The following EAF2 variants were observed in gnomAD, a reference collection of about 807,000 sequenced individuals.
EAF2 encodes the protein ELL-associated factor 2.
A neutral mutation model predicts 29.4 loss-of-function variants in EAF2; 29 were observed. The observed-to-expected ratio is 0.99, with a 90% CI of 0.73 to 1.35. The LOEUF (loss-of-function observed/expected upper bound fraction) is 1.35, where lower values mean the gene tolerates loss of function less well. EAF2 is among the 40% of genes most tolerant of loss of function. The pLI, the probability that EAF2 is intolerant of heterozygous loss-of-function variation, is 0.00. For missense variants in EAF2, 292 were observed against 312.0 expected, an observed-to-expected ratio of 0.94 and a Z score of 0.48; for synonymous variants, 103 against 102.5, an observed-to-expected ratio of 1.00 and a Z score of -0.03.
chr3:121,839,849 A>G (rs186167806), intron 1 of EAF2, among the ~76,000 whole-genome samples: 3 of 152,328 alleles, frequency 2.0e-5, no homozygotes, highest in East Asian at 1.9e-4. Flanking sequence ...AAATTAAAGT[A>G]TGAGTACTAT....
intron 5 of EAF2, among the ~76,000 whole-genome samples, chr3:121,879,926 T>C (rs1247203061): frequency 6.6e-6 from 1 of 152,138 alleles, no homozygotes; most frequent in African/African-American, 2.4e-5. Context: ...AAGAATGTCT[T>C]TGGTATTTTG....
At chr3:121,838,471 T>G (rs1708345370) in intron 1 of EAF2, among the ~76,000 whole-genome samples, 1 of 152,184 alleles carries the variant, frequency 6.6e-6, no homozygotes, top group Admixed American at 6.5e-5. Flanking sequence ...TTTAAAAAAG[T>G]GTGTGAGGAC....
At chr3:121,855,299 T>G (rs1708700465) in intron 3 of EAF2, among the ~76,000 whole-genome samples, 1 of 152,166 alleles carries the variant, frequency 6.6e-6, no homozygotes, top group Non-Finnish European at 1.5e-5. Flanking sequence ...AAATCCTTTT[T>G]GGAAATAGGT....
At chr3:121,873,397 G>A (rs1709049893) in intron 5 of EAF2, among the ~76,000 whole-genome samples, 1 of 151,750 alleles carries the variant, frequency 6.6e-6, no homozygotes, top group Non-Finnish European at 1.5e-5. Flanking sequence ...CCTTCATCAA[G>A]TCCTATTTGT....
intron 5 of EAF2, among the ~76,000 whole-genome samples, chr3:121,878,401 G>T (rs994559192): frequency 6.6e-6 from 1 of 152,052 alleles, no homozygotes; most frequent in Admixed American, 6.6e-5. Flanking sequence ...TTTTTGGGGG[G>T]TTAAGAACAT....
intron 4 of EAF2, among the ~76,000 whole-genome samples, chr3:121,860,141 G>T (rs896437662): frequency 6.6e-6 from 1 of 151,890 alleles, no homozygotes; most frequent in African/African-American, 2.4e-5. Flanking sequence ...CTCTTTCTTT[G>T]TTGTCTCTGC....
At chr3:121,856,956 A>G (rs1708729275) in intron 3 of EAF2, 55 bp from the exon 4 acceptor site, 1 of 1,513,070 alleles carries the variant, frequency 6.6e-7, no homozygotes, top group Non-Finnish European at 8.9e-7. Flanking sequence ...TGTAAGTTAA[A>G]TTTTTGTTAC....
At chr3:121,848,379 T>C (rs1182858926) in intron 2 of EAF2, among the ~76,000 whole-genome samples, 2 of 152,214 alleles carry the variant, frequency 1.3e-5, no homozygotes, top group Non-Finnish European at 2.9e-5. Context: ...GAAATATACT[T>C]TGCTAATATT....
In EAF2 at chr3:121,840,946, G is replaced by T. The variant is rs1035343634; in HGVS notation, c.107-3507G>T. Reference sequence around the variant, plus strand: ...ACGGAAAGGACTGCACCCTGAAATAGCTTCAGAGAAGAGGGAACTTTGAAA... The same window carrying T: ...ACGGAAAGGACTGCACCCTGAAATATCTTCAGAGAAGAGGGAACTTTGAAA... On this transcript the variant is annotated intron_variant, in intron 1 of 5. Coordinates refer to ENST00000273668, the MANE Select transcript of EAF2 (RefSeq NM_018456.6). Among the ~76,000 whole-genome samples, 13 of 152,204 alleles carry T rather than the reference G, an allele frequency of 8.5e-5. No individual in the cohort carries two copies. In the East Asian group the frequency reaches 2.1e-3, roughly 25 times the overall value.
rs1158327862 is a variant in EAF2 at position 121,857,129 on chromosome 3, G to T, written c.457G>T (p.Ala153Ser). The change falls in exon 4 of 6, where the codon GCA becomes TCA. Residue 153 changes from alanine (A) to serine (S), a missense_variant. By Grantham distance (99) the Ala-to-Ser change is moderately conservative. Coordinates refer to ENST00000273668, the MANE Select transcript of EAF2 (RefSeq NM_018456.6). ...HSPSEDKMSP[A>S]SPIDDIEREL... Reference sequence around the variant, plus strand: ...TCCATCTGAAGATAAGATGTCCCCAGCATCTCCAATAGATGATATCGAAAG... The same window carrying T: ...TCCATCTGAAGATAAGATGTCCCCATCATCTCCAATAGATGATATCGAAAG... 3 of 1,612,624 alleles carry T rather than the reference G, an allele frequency of 1.9e-6. No individual in the cohort carries two copies. In the East Asian group the frequency reaches 6.7e-5, roughly 36 times the overall value.
At chr3:121,885,931 T>G (rs1355409314) in intron 5 of EAF2, among the ~76,000 whole-genome samples, 1 of 152,170 alleles carries the variant, frequency 6.6e-6, no homozygotes, top group Non-Finnish European at 1.5e-5. Flanking sequence ...GAATCAATGG[T>G]GAATTATCCT....
At chr3:121,863,500 A>AT (rs1708869274) in intron 4 of EAF2, among the ~76,000 whole-genome samples, 1 of 152,318 alleles carries the variant, frequency 6.6e-6, no homozygotes, top group East Asian at 1.9e-4. Context: ...CCTCCGAGCC[A>AT]GGTGCGGGAT....
intron 2 of EAF2, among the ~76,000 whole-genome samples, chr3:121,845,440 CAAAAA>C (rs747436052): frequency 6.7e-5 from 4 of 59,968 alleles, no homozygotes; most frequent in South Asian, 8.1e-4. Flanking sequence ...TCCTACATCT[CAAAAA>C]AAAAAAAAAA....
intron 2 of EAF2, among the ~76,000 whole-genome samples, chr3:121,849,769 T>G (rs1277421538): frequency 6.6e-6 from 1 of 152,080 alleles, no homozygotes; most frequent in Non-Finnish European, 1.5e-5. Context: ...CATAGTCCAT[T>G]ACATTCTTGG....
intron 1 of EAF2, chr3:121,836,685 TTC>T (rs1243356476): frequency 3.0e-6 from 3 of 987,838 alleles, no homozygotes; most frequent in South Asian, 4.7e-5. Context: ...GCTCTGCAGT[TTC>T]TCTCTCTTCA....
At chr3:121,882,047 A>T (rs958859155) in intron 5 of EAF2, among the ~76,000 whole-genome samples, 1 of 152,112 alleles carries the variant, frequency 6.6e-6, no homozygotes, top group African/African-American at 2.4e-5. Flanking sequence ...GTATTTATTA[A>T]TTTGAAAACA....
intron 4 of EAF2, among the ~76,000 whole-genome samples, chr3:121,871,349 T>C (rs1709010436): frequency 6.6e-6 from 1 of 151,828 alleles, no homozygotes; most frequent in African/African-American, 2.4e-5. Flanking sequence ...TCTTTGGTAA[T>C]AAAAGTCAAA....
rs1036592024 is a variant in EAF2 at position 121,840,504 on chromosome 3, A to G, written c.107-3949A>G. 6.6e-4 allele frequency among the ~76,000 whole-genome samples: 50 copies of G among 76,082 alleles called. 1 individual carries two copies. Among genetic ancestry groups the G allele is most frequent in the African/African-American group, 2.4e-3 (45 of 18,592 alleles). The allele number at this position is 76,082 out of a possible 152,430, so 49.9% of individuals were successfully genotyped here. On this transcript the variant is annotated intron_variant, in intron 1 of 5. Transcript: ENST00000273668. ...GACTTCGTCTAAAAAAAAAAAAAAA[A>G]AAAAGAAAAAAAAAAAACGGGCCGG... is the stretch of plus-strand genomic sequence containing the variant.
intron 5 of EAF2, among the ~76,000 whole-genome samples, chr3:121,880,777 G>A (rs1709180324): frequency 6.6e-6 from 1 of 152,052 alleles, no homozygotes; most frequent in African/African-American, 2.4e-5. Flanking sequence ...TAAGAATGGT[G>A]AGAGTGCGCA....
Sources: gnomAD v4.1 joint callset for allele counts (sites outside exome capture counted in the v4.1 genomes callset) on GRCh38, gnomAD v4.1.1 for gene constraint, MANE v1.5 for transcripts, NCBI Gene and HGNC (gene_info 2026-07-23, HGNC 2026-07-21) for gene names.